Variants in ARHGEF10 observed in about 807,000 individuals in gnomAD.
ARHGEF10 encodes the protein Rho guanine nucleotide exchange factor 10.
Under a neutral mutation model 147.4 loss-of-function variants are expected in ARHGEF10, and 140 were observed. The observed-to-expected ratio is 0.95, with a 90% CI of 0.83 to 1.09. The LOEUF (loss-of-function observed/expected upper bound fraction) is 1.09, where lower values mean the gene tolerates loss of function less well. Among genes scored for constraint, ARHGEF10 ranks in the 50% least tolerant of loss-of-function variants. The pLI, the probability that ARHGEF10 is intolerant of heterozygous loss-of-function variation, is 0.00. For synonymous variants in ARHGEF10, 902 were observed against 695.8 expected (o/e 1.30, Z -4.67); for missense variants, 2,222 against 1,752.7 (o/e 1.27, Z -4.78).
At chr8:1,860,435 G>A (rs373946063) in intron 4 of ARHGEF10, among the ~76,000 whole-genome samples, 8 of 142,846 alleles carry the variant, frequency 5.6e-5, no homozygotes, top group East Asian at 2.1e-4. Flanking sequence ...CTGTGGTTCC[G>A]TAGAGTCTGG....
rs114991717 is a variant in ARHGEF10 at position 1,853,368 on chromosome 8, C to T, written c.38-4592C>T. ...GAACACTGGGCCATGGTGTGTCCAG[C>T]GAATGACGGCTACACTGCAGATTCC... is the stretch of plus-strand genomic sequence containing the variant. On this transcript the variant is annotated intron_variant, in intron 2 of 28. Coordinates refer to ENST00000349830, the MANE Select transcript of ARHGEF10 (RefSeq NM_014629.4). Among the ~76,000 whole-genome samples, 733 of 152,338 alleles carry T rather than the reference C, an allele frequency of 4.8e-3. 3 individuals carry two copies. The highest frequency in any genetic ancestry group is 0.017 in the African/African-American group (687 of 41,574).
intron 1 of ARHGEF10, among the ~76,000 whole-genome samples, chr8:1,831,435 TCTGTGGAGGGACAGTGTGACGG>T (rs1803095770): frequency 3.1e-5 from 4 of 129,084 alleles, no homozygotes; most frequent in Non-Finnish European, 5.0e-5. Context: ...CAGTGTGACA[TCTGTGGAGGGACAGTGTGACGG>T]CCGTGGAGGG....
Position 1,859,924 on chromosome 8 carries a change from C to A in ARHGEF10, c.221C>A (p.Thr74Asn), listed in dbSNP as rs1805953043. ...GGTGAGGATGGAGCTGGAGCAGAAA[C>A]CACCCCAGTGGCAGAGCCTACTAAG... ...TGGEDGAGAETTPVAEPTKLV... is the reference protein window; with the variant it reads ...TGGEDGAGAENTPVAEPTKLV... The change falls in exon 4 of 29, where the codon ACC becomes AAC. Residue 74 changes from threonine to asparagine, a missense_variant. Thr to Asn is a moderately conservative substitution (Grantham distance 65). Transcript: ENST00000349830. The A allele has an allele frequency of 1.9e-6, 3 of 1,614,060 alleles. No individual in the cohort carries two copies. The highest frequency in any genetic ancestry group is 2.2e-5 in the South Asian group (2 of 91,084).
chr8:1,851,803 G>T (rs1458572017), intron 2 of ARHGEF10, among the ~76,000 whole-genome samples: 1 of 151,908 alleles, frequency 6.6e-6, no homozygotes, highest in East Asian at 1.9e-4. Flanking sequence ...AGTCCTGGCT[G>T]CTTGGGAGGC....
At chr8:1,859,324 G>T (rs1490317247) in intron 3 of ARHGEF10, among the ~76,000 whole-genome samples, 1 of 138,458 alleles carries the variant, frequency 7.2e-6, no homozygotes, top group Non-Finnish European at 1.6e-5. Context: ...CTGCTTACAC[G>T]GTGTTTCTTT....
intron 14 of ARHGEF10, 36 bp downstream of exon 14, chr8:1,896,485 C>A (rs370187148): frequency 7.2e-7 from 1 of 1,383,660 alleles, no homozygotes; most frequent in Non-Finnish European, 1.0e-6. Context: ...GTTTTAACAC[C>A]ATCTGATAAC....
intron 1 of ARHGEF10, among the ~76,000 whole-genome samples, chr8:1,839,896 G>C (rs1344457776): frequency 7.6e-6 from 1 of 131,138 alleles, no homozygotes; most frequent in Non-Finnish European, 1.6e-5. Flanking sequence ...CTGGTGTGGG[G>C]ACTGTCCGGT....
chr8:1,951,816 T>C (rs1384561874), intron 27 of ARHGEF10, among the ~76,000 whole-genome samples: 6 of 152,126 alleles, frequency 3.9e-5, no homozygotes, highest in Admixed American at 3.9e-4. Flanking sequence ...TGGAATGATG[T>C]GACAGTCCAG....
intron 18 of ARHGEF10, among the ~76,000 whole-genome samples, chr8:1,912,350 A>G (rs937740330): frequency 6.7e-6 from 1 of 148,284 alleles, no homozygotes; most frequent in African/African-American, 2.5e-5. Flanking sequence ...ACTCAGTAGG[A>G]AGCTCGCCGT....
At chr8:1,956,157 G>A (rs1815548582) in intron 28 of ARHGEF10, among the ~76,000 whole-genome samples, 1 of 152,200 alleles carries the variant, frequency 6.6e-6, no homozygotes, top group African/African-American at 2.4e-5. Flanking sequence ...GGGTTGCGGG[G>A]CTGTGTGTGG....
Position 1,905,717 on chromosome 8 carries a change from G to A in ARHGEF10, c.1967+1G>A, listed in dbSNP as rs1700206310. 3 of 1,613,498 alleles carry A rather than the reference G, an allele frequency of 1.9e-6. No individual in the cohort carries two copies. The highest frequency in any genetic ancestry group is 2.5e-6 in the Non-Finnish European group (3 of 1,180,034). On this transcript the variant is annotated splice_donor_variant, in intron 17 of 28. Coordinates refer to ENST00000349830, the MANE Select transcript of ARHGEF10 (RefSeq NM_014629.4). LOFTEE classifies it high-confidence loss of function. ...TAATGTGTGCCACCGTCAGCTCACGGTAAGTGCATAAATTCTCTATAGTAG... is the reference window on the plus strand; with the variant it reads ...TAATGTGTGCCACCGTCAGCTCACGATAAGTGCATAAATTCTCTATAGTAG...
At chr8:1,875,802 A>G (rs1410185994) in intron 7 of ARHGEF10, among the ~76,000 whole-genome samples, 1 of 152,238 alleles carries the variant, frequency 6.6e-6, no homozygotes, top group Non-Finnish European at 1.5e-5. Context: ...TGAGATGTGT[A>G]TATTCCTCAG....
rs58859060 is a variant in ARHGEF10, at chr8:1,905,567, C to A, written c.1822-4C>A. The A allele has an allele frequency of 3.1e-6, 5 of 1,614,118 alleles. No individual in the cohort carries two copies. In the Admixed American group the frequency reaches 8.3e-5, roughly 27 times the overall value. On this transcript the variant is annotated splice_region_variant and splice_polypyrimidine_tract_variant and intron_variant, in intron 16 of 28. Coordinates refer to ENST00000349830, the MANE Select transcript of ARHGEF10 (RefSeq NM_014629.4). Reference sequence around the variant, plus strand: ...GGTCCCTGGGCTGTGTTTTGAATGTCCAGCTTCTCAGCAGTGGAAGCCGAT... The same window carrying A: ...GGTCCCTGGGCTGTGTTTTGAATGTACAGCTTCTCAGCAGTGGAAGCCGAT...
In ARHGEF10 at chr8:1,863,383, C is replaced by A. The variant is rs1806312576; in HGVS notation, c.482-990C>A. Among the ~76,000 whole-genome samples the A allele has an allele frequency of 2.0e-5, 3 of 152,344 alleles. No individual in the cohort carries two copies. In the South Asian group the frequency reaches 6.2e-4, roughly 32 times the overall value. On this transcript the variant is annotated intron_variant, in intron 4 of 28. Transcript: ENST00000349830. ...AGACCTCCAAGCAGGTTACATCGAGCTCAGCTGTCTCCGACTTTGAGCCAA... is the reference window on the plus strand; with the variant it reads ...AGACCTCCAAGCAGGTTACATCGAGATCAGCTGTCTCCGACTTTGAGCCAA...
At chr8:1,825,650 T>C (rs1404048299) in intron 1 of ARHGEF10, among the ~76,000 whole-genome samples, 2 of 151,752 alleles carry the variant, frequency 1.3e-5, no homozygotes, top group African/African-American at 4.8e-5. Flanking sequence ...GCACTGAAGG[T>C]GAGGTCTGAG....
chr8:1,931,441 C>G (rs1323890510), intron 25 of ARHGEF10, among the ~76,000 whole-genome samples: 1 of 152,244 alleles, frequency 6.6e-6, no homozygotes, highest in African/African-American at 2.4e-5. Context: ...ACTGTGGAGC[C>G]CCGTGCAGGG....
At chr8:1,926,634 A>G (rs1812716323) in intron 23 of ARHGEF10, 171 bp downstream of exon 23, 1 of 702,860 alleles carries the variant, frequency 1.4e-6, no homozygotes, top group Non-Finnish European at 2.6e-6. Flanking sequence ...TCACTTTTGG[A>G]AAAGATTTAC....
At chr8:1,859,180 C>G (rs796879474) in intron 3 of ARHGEF10, among the ~76,000 whole-genome samples, 5,363 of 92,464 alleles carry the variant, frequency 0.058, 4 homozygotes, top group South Asian at 0.089. Flanking sequence ...ACAGCACCAG[C>G]CTCTCGGTTG....
At chr8:1,898,070 C>T (rs996378165) in intron 14 of ARHGEF10, among the ~76,000 whole-genome samples, 1 of 152,156 alleles carries the variant, frequency 6.6e-6, no homozygotes, top group Non-Finnish European at 1.5e-5. Flanking sequence ...CGTCAGCCTC[C>T]AGGACGTCTT....
Sources: allele counts gnomAD v4.1 joint callset (sites outside exome capture counted in the v4.1 genomes callset), GRCh38; gene constraint gnomAD v4.1.1; transcripts MANE v1.5; gene names NCBI Gene and HGNC (gene_info 2026-07-23, HGNC 2026-07-21).